The following DCAF6 variants were observed in gnomAD, a reference collection of about 807,000 sequenced individuals.
DCAF6 encodes the protein DDB1- and CUL4-associated factor 6.
Under a neutral mutation model 125.1 loss-of-function variants are expected in DCAF6, and 54 were observed. The observed-to-expected ratio is 0.43, with a 90% CI of 0.35 to 0.54. DCAF6 has a LOEUF of 0.54. DCAF6 is among the 20% of genes least tolerant of loss of function. The probability of loss-of-function intolerance (pLI) is 0.01; values close to 1 mark genes in which losing one functional copy is unlikely to be tolerated. For missense variants in DCAF6, 934 were observed against 1,161.7 expected, an observed-to-expected ratio of 0.80 and a Z score of 2.85; for synonymous variants, 371 against 390.4, an observed-to-expected ratio of 0.95 and a Z score of 0.58.
At chr1:168,067,168 G>GA (rs1692444643) in intron 20 of DCAF6, among the ~76,000 whole-genome samples, 1 of 152,128 alleles carries the variant, frequency 6.6e-6, no homozygotes, top group Non-Finnish European at 1.5e-5. Context: ...TAGTAAGTTG[G>GA]AAAACCACTA....
chr1:167,875,238 G>A, the DCAF6 span: 2 of 1,548,770 alleles, frequency 1.3e-6, no homozygotes, highest in Middle Eastern at 1.7e-4. Context: ...GGGACATATT[G>A]AGAGCAAGAG....
intron 3 of DCAF6, among the ~76,000 whole-genome samples, chr1:167,972,091 G>A (rs1677416210): frequency 6.6e-6 from 1 of 152,154 alleles, no homozygotes; most frequent in African/African-American, 2.4e-5. Context: ...CCTGACTTCA[G>A]GTGATCCAGC....
At chr1:167,882,753 G>T in the DCAF6 span, among the ~76,000 whole-genome samples, 2 of 152,116 alleles carry the variant, frequency 1.3e-5, no homozygotes, top group Non-Finnish European at 2.9e-5. Flanking sequence ...GAGCTCAGAC[G>T]GGGATGGCAG....
chr1:167,873,244 C>G, the DCAF6 span, among the ~76,000 whole-genome samples: 1 of 152,074 alleles, frequency 6.6e-6, no homozygotes, highest in African/African-American at 2.4e-5. Flanking sequence ...TTCCTTCTCT[C>G]TAGCTTCAGG....
At chr1:168,071,721 C>T (rs1451168818) in intron 21 of DCAF6, among the ~76,000 whole-genome samples, 2 of 152,088 alleles carry the variant, frequency 1.3e-5, no homozygotes, top group African/African-American at 4.8e-5. Flanking sequence ...TAGATACCAC[C>T]CCCTCTTAAA....
chr1:167,901,775 TCCACCCTC>T, the DCAF6 span: 8 of 1,614,182 alleles, frequency 5.0e-6, no homozygotes, highest in Non-Finnish European at 6.8e-6. Context: ...CTGCTTTCGC[TCCACCCTC>T]CACAGGGCTA....
At chr1:167,935,866 CG>C, upstream of DCAF6, 1 of 1,524,348 alleles carries the variant, frequency 6.6e-7, no homozygotes, top group Non-Finnish European at 8.9e-7. Flanking sequence ...CGTTGGCAGC[CG>C]GGTGGGAGCG....
chr1:168,044,546 T>C, intron 14 of DCAF6, 39 bp from the exon 15 acceptor site: 1 of 1,460,196 alleles, frequency 6.8e-7, no homozygotes, highest in Non-Finnish European at 9.6e-7. Context: ...TAATCCCTCA[T>C]GGATACCAAG....
chr1:167,880,281 G>A, the DCAF6 span: 1 of 1,174,904 alleles, frequency 8.5e-7, no homozygotes, highest in South Asian at 1.3e-5. Context: ...TGTCTGGGTT[G>A]GGAAAGGGTG....
At chr1:168,025,710 C>G (rs1303932906) in intron 12 of DCAF6, among the ~76,000 whole-genome samples, 2 of 152,116 alleles carry the variant, frequency 1.3e-5, no homozygotes, top group Non-Finnish European at 2.9e-5. Flanking sequence ...ATGGAATAAT[C>G]CCTTTACTAG....
At chr1:168,022,127 T>A (rs1037852371) in intron 11 of DCAF6, among the ~76,000 whole-genome samples, 1 of 152,124 alleles carries the variant, frequency 6.6e-6, no homozygotes, top group Non-Finnish European at 1.5e-5. Flanking sequence ...TGCTAATTAC[T>A]GTCAGAATCA....
rs545903320 is a variant in DCAF6, at chr1:167,964,798, GAT to G, written c.160-1830_160-1829del. 3.9e-3 allele frequency among the ~76,000 whole-genome samples: 589 copies of G among 152,244 alleles called. 3 individuals carry two copies. Among genetic ancestry groups the G allele is most frequent in the Non-Finnish European group, 5.4e-3 (368 of 68,020 alleles). ...TTATTGATATATCCTCAAGGTCAGA[GAT>G]TGTTTCCTCAATTGTGTCTAGTCTA... is the stretch of plus-strand genomic sequence containing the variant. On this transcript the variant is annotated intron_variant, in intron 2 of 21. Coordinates refer to ENST00000367840, the MANE Select transcript of DCAF6 (RefSeq NM_001198956.2).
rs1671376119 is a variant in DCAF6 at position 167,937,109 on chromosome 1, G to C, written c.97+101G>C. On this transcript the variant is annotated intron_variant, in intron 1 of 21. Coordinates refer to ENST00000367840, the MANE Select transcript of DCAF6 (RefSeq NM_001198956.2). Reference sequence around the variant, plus strand: ...TGGAGGTGGGACGGCGTCTCGGTGGGGGCGCCCGGAGACTCTGGGGTGTTG... The same window carrying C: ...TGGAGGTGGGACGGCGTCTCGGTGGCGGCGCCCGGAGACTCTGGGGTGTTG... 3.0e-6 allele frequency: 3 copies of C among 1,012,944 alleles called. No homozygotes were observed. In the South Asian group the frequency reaches 4.3e-5, roughly 15 times the overall value. 62.7% of individuals were successfully genotyped at this position (1,012,944 alleles called of 1,614,324 possible).
rs138236578 is a variant in DCAF6 at position 167,964,142 on chromosome 1, CTTCT to C, written c.160-2480_160-2477del. Among the ~76,000 whole-genome samples the C allele has an allele frequency of 4.6e-3, 698 of 152,194 alleles. 8 individuals are homozygous for C. In the East Asian group the frequency reaches 0.057, roughly 12 times the overall value. ...TTCACTTATTCCTCCTTCAGTGCTC[CTTCT>C]TTCTTTATGTAGATATATGTCTCTG... On this transcript the variant is annotated intron_variant, in intron 2 of 21. Transcript: ENST00000367840.
Position 168,003,872 on chromosome 1 carries a change from G to T in DCAF6, c.1000G>T (p.Glu334Ter). Residue 334 changes from glutamate to a stop codon, truncating the protein, a stop_gained and splice_region_variant, in exon 9 of 22, where the codon GAG becomes TAG. Transcript: ENST00000367840. LOFTEE classifies it high-confidence loss of function. ...TGATAAGACCTATATTGTAATAGGA[G>T]AGCAGAGTCCCAATGTGTCATTGAT... ...RPESERERDG[E>*]QSPNVSLMQR... is the part of the protein sequence containing the mutation. The T allele has an allele frequency of 6.2e-7, 1 of 1,609,916 alleles. No individual in the cohort carries two copies. The highest frequency in any genetic ancestry group is 1.1e-5 in the South Asian group (1 of 90,750).
the DCAF6 span, among the ~76,000 whole-genome samples, chr1:167,921,964 A>G: frequency 0.021 from 3,261 of 152,328 alleles, 112 homozygotes; most frequent in African/African-American, 0.074. Flanking sequence ...GGTTTCAACT[A>G]AAGTGGTTAC....
intron 7 of DCAF6, among the ~76,000 whole-genome samples, chr1:167,996,992 A>C (rs1681818735): frequency 6.6e-6 from 1 of 151,696 alleles, no homozygotes; most frequent in Admixed American, 6.6e-5. Flanking sequence ...TTGCTTTTTC[A>C]TTTCATGTGT....
the DCAF6 span, among the ~76,000 whole-genome samples, chr1:167,896,402 G>A: frequency 6.6e-6 from 1 of 152,122 alleles, no homozygotes; most frequent in South Asian, 2.1e-4. Flanking sequence ...CTAGGGAGAG[G>A]TGGATGGTGT....
At chr1:167,868,021 T>C in the DCAF6 span, among the ~76,000 whole-genome samples, 2 of 152,162 alleles carry the variant, frequency 1.3e-5, no homozygotes, top group Admixed American at 1.3e-4. Context: ...TACACGTATC[T>C]CTGGGCGTCG....
Sources: gnomAD v4.1 joint callset for allele counts (sites outside exome capture counted in the v4.1 genomes callset) on GRCh38, gnomAD v4.1.1 for gene constraint, MANE v1.5 for transcripts, NCBI Gene and HGNC (gene_info 2026-07-23, HGNC 2026-07-21) for gene names.